NELL1: variants seen among roughly 807,000 people sequenced by gnomAD.
NELL1 encodes the protein protein kinase C-binding protein NELL1.
In NELL1, 76 loss-of-function variants were observed where a neutral mutation model predicts 107.4. The observed-to-expected ratio is 0.71, with a 90% CI of 0.59 to 0.86. The LOEUF (loss-of-function observed/expected upper bound fraction) is 0.86, where lower values mean the gene tolerates loss of function less well. NELL1 is among the 40% of genes least tolerant of loss of function. The probability of loss-of-function intolerance (pLI) is 0.00; values close to 1 mark genes in which losing one functional copy is unlikely to be tolerated. For synonymous variants in NELL1, 353 were observed against 341.2 expected, an observed-to-expected ratio of 1.03 and a Z score of -0.38; for missense variants, 1,024 against 1,005.5, an observed-to-expected ratio of 1.02 and a Z score of -0.25.
At chr11:21,253,859 A>G (rs1858703177) in intron 14 of NELL1, among the ~76,000 whole-genome samples, 1 of 152,160 alleles carries the variant, frequency 6.6e-6, no homozygotes, top group South Asian at 2.1e-4. Context: ...AAGCAAATCA[A>G]GGCAATTAAA....
Position 21,175,690 on chromosome 11 carries a change from T to C in NELL1, c.1427-53642T>C, listed in dbSNP as rs558358395. Among the ~76,000 whole-genome samples, 150 of 152,000 alleles carry C rather than the reference T, an allele frequency of 9.9e-4. 2 individuals are homozygous for C. The highest frequency in any genetic ancestry group is 3.5e-3 in the African/African-American group (145 of 41,290). ...AAATGTTAATTGGCAGCTCCGATGCTACAGTATAGAAGAAGCTTCAGATCA... is the reference window on the plus strand; with the variant it reads ...AAATGTTAATTGGCAGCTCCGATGCCACAGTATAGAAGAAGCTTCAGATCA... On this transcript the variant is annotated intron_variant, in intron 13 of 19. Coordinates refer to ENST00000357134, the MANE Select transcript of NELL1 (RefSeq NM_006157.5).
chr11:20,701,713 A>G (rs1854793796), intron 2 of NELL1, among the ~76,000 whole-genome samples: 1 of 152,170 alleles, frequency 6.6e-6, no homozygotes, highest in African/African-American at 2.4e-5. Flanking sequence ...ATCCAGTTTC[A>G]GCTTTCTACA....
At chr11:21,102,191 T>C (rs1854836681) in intron 12 of NELL1, among the ~76,000 whole-genome samples, 1 of 152,202 alleles carries the variant, frequency 6.6e-6, no homozygotes, top group African/African-American at 2.4e-5. Context: ...TAAAAAATTA[T>C]TGCTTCCCTA....
At chr11:20,702,965 A>C (rs1253909983) in intron 2 of NELL1, among the ~76,000 whole-genome samples, 4 of 152,104 alleles carry the variant, frequency 2.6e-5, no homozygotes, top group Admixed American at 2.6e-4. Flanking sequence ...GTGGTCTAAA[A>C]TTCTCTTTTT....
At chr11:21,400,266 T>G (rs1852069512) in intron 15 of NELL1, among the ~76,000 whole-genome samples, 1 of 151,782 alleles carries the variant, frequency 6.6e-6, no homozygotes. Context: ...TTCATTCTAG[T>G]CTGTTGTTGT....
At chr11:21,281,520 A>G (rs1162078608) in intron 14 of NELL1, among the ~76,000 whole-genome samples, 4 of 152,176 alleles carry the variant, frequency 2.6e-5, no homozygotes, top group Non-Finnish European at 5.9e-5. Flanking sequence ...GGCTGGCTTC[A>G]CTATCCACAG....
chr11:21,072,816 A>T lies in NELL1; in HGVS notation c.1301-40773A>T, dbSNP rs558100295. Among the ~76,000 whole-genome samples the T allele has an allele frequency of 3.9e-5, 6 of 152,328 alleles. No homozygotes were observed. The South Asian group carries it at 1.2e-3, about 32-fold the overall frequency. ...CCTAATTTTGTTGTCTTAGAAGCAA[A>T]ACATTTCTTTTTCTGTTGATTATTC... On this transcript the variant is annotated intron_variant, in intron 12 of 19. Transcript: ENST00000357134.
intron 16 of NELL1, among the ~76,000 whole-genome samples, chr11:21,548,641 A>G (rs1002332406): frequency 4.6e-5 from 7 of 151,870 alleles, no homozygotes; most frequent in Admixed American, 4.6e-4. Flanking sequence ...GAGCTACAAG[A>G]CGAGATTTGG....
chr11:20,790,486 T>C (rs1857051786), intron 3 of NELL1, among the ~76,000 whole-genome samples: 1 of 152,184 alleles, frequency 6.6e-6, no homozygotes, highest in South Asian at 2.1e-4. Flanking sequence ...AGCCTACAAG[T>C]GCAGTGGGGT....
chr11:21,116,083 T>C lies in NELL1; in HGVS notation c.1426+2369T>C, dbSNP rs532577913. Among the ~76,000 whole-genome samples, 3 of 152,124 alleles carry C rather than the reference T, an allele frequency of 2.0e-5. No homozygotes were observed. In the South Asian group the frequency reaches 6.2e-4, roughly 32 times the overall value. ...CTCCTCACCTCTCTCCAGTCAGACT[T>C]CCATACTCACCATTCTGCAGAGGAT... On this transcript the variant is annotated intron_variant, in intron 13 of 19. Coordinates refer to ENST00000357134, the MANE Select transcript of NELL1 (RefSeq NM_006157.5).
intron 12 of NELL1, among the ~76,000 whole-genome samples, chr11:21,079,150 G>T (rs1854207967): frequency 6.6e-6 from 1 of 151,894 alleles, no homozygotes; most frequent in African/African-American, 2.4e-5. Flanking sequence ...AAAAAACCTT[G>T]AAAGAATTGT....
intron 2 of NELL1, among the ~76,000 whole-genome samples, chr11:20,695,869 A>C (rs535300765): frequency 6.6e-6 from 1 of 151,804 alleles, no homozygotes; most frequent in South Asian, 2.1e-4. Flanking sequence ...TTCTTTGTAC[A>C]TCTGGTAGAA....
At chr11:20,886,609 G>A (rs1215451151) in intron 5 of NELL1, among the ~76,000 whole-genome samples, 1 of 152,064 alleles carries the variant, frequency 6.6e-6, no homozygotes, top group Non-Finnish European at 1.5e-5. Flanking sequence ...AAAAATTAAG[G>A]TGTAATTCCG....
intron 15 of NELL1, among the ~76,000 whole-genome samples, chr11:21,414,257 AGAAAGAACTGAT>A (rs1332631715): frequency 6.6e-6 from 1 of 152,082 alleles, no homozygotes; most frequent in Non-Finnish European, 1.5e-5. Context: ...GGGTCAAGAA[AGAAAGAACTGAT>A]GGAACTGATG....
chr11:20,985,601 G>C (rs544190307), intron 12 of NELL1, among the ~76,000 whole-genome samples: 2 of 152,166 alleles, frequency 1.3e-5, no homozygotes, highest in Non-Finnish European at 2.9e-5. Context: ...CTCAGAGAAT[G>C]TTGGGCCCTT....
At chr11:21,355,030 G>T (rs1044199815) in intron 14 of NELL1, among the ~76,000 whole-genome samples, 2 of 152,108 alleles carry the variant, frequency 1.3e-5, no homozygotes, top group African/African-American at 4.8e-5. Context: ...GCCAAATTTT[G>T]AACTGCTTTC....
At chr11:21,204,148 T>C (rs577361552) in intron 13 of NELL1, among the ~76,000 whole-genome samples, 24 of 152,308 alleles carry the variant, frequency 1.6e-4, no homozygotes, top group African/African-American at 5.8e-4. Context: ...TGAATTTGAA[T>C]GTTGGTCTGT....
At chr11:21,207,220 T>A (rs75872865) in intron 13 of NELL1, among the ~76,000 whole-genome samples, 2,405 of 152,286 alleles carry the variant, frequency 0.016, 37 homozygotes, top group Non-Finnish European at 0.021. Context: ...TACTGGACAC[T>A]TTTTTGCGTA....
intron 16 of NELL1, among the ~76,000 whole-genome samples, chr11:21,551,177 T>C (rs908179996): frequency 1.3e-5 from 2 of 151,966 alleles, no homozygotes; most frequent in Non-Finnish European, 2.9e-5. Context: ...CTTGTGATTT[T>C]TGCACATTGA....
Sources: gnomAD v4.1 joint callset for allele counts (sites outside exome capture counted in the v4.1 genomes callset) on GRCh38, gnomAD v4.1.1 for gene constraint, MANE v1.5 for transcripts, NCBI Gene and HGNC (gene_info 2026-07-23, HGNC 2026-07-21) for gene names.